The following STXBP5L variants were observed in gnomAD, a reference collection of about 807,000 sequenced individuals.
STXBP5L encodes syntaxin-binding protein 5-like.
Under a neutral mutation model 144.5 loss-of-function variants are expected in STXBP5L, and 65 were observed. That is an observed-to-expected ratio of 0.45 (90% CI 0.37 to 0.55). The LOEUF is 0.55. Among genes scored for constraint, STXBP5L ranks in the 20% least tolerant of loss-of-function variants. The pLI is 0.00. For synonymous variants in STXBP5L, 505 were observed against 469.6 expected, an observed-to-expected ratio of 1.08 and a Z score of -0.97; for missense variants, 1,298 against 1,405.5, an observed-to-expected ratio of 0.92 and a Z score of 1.22.
At chr3:121,243,225 T>C (rs1219672524) in intron 14 of STXBP5L, among the ~76,000 whole-genome samples, 1 of 152,182 alleles carries the variant, frequency 6.6e-6, no homozygotes, top group Non-Finnish European at 1.5e-5. Context: ...TGGGTGCCAC[T>C]GAGAGCAAAA....
chr3:121,335,794 A>G (rs577179488), intron 20 of STXBP5L, among the ~76,000 whole-genome samples: 43 of 152,190 alleles, frequency 2.8e-4, no homozygotes, highest in Admixed American at 6.5e-4. Flanking sequence ...ACTTAAATGT[A>G]AAACCCAAAA....
At chr3:120,977,393 G>T (rs1350068622) in intron 3 of STXBP5L, among the ~76,000 whole-genome samples, 1 of 151,934 alleles carries the variant, frequency 6.6e-6, no homozygotes, top group Non-Finnish European at 1.5e-5. Context: ...TTTTCCATTT[G>T]CTTGTAGATC....
At chr3:121,135,599 G>A (rs779164013) in intron 7 of STXBP5L, among the ~76,000 whole-genome samples, 34 of 152,172 alleles carry the variant, frequency 2.2e-4, no homozygotes, top group Non-Finnish European at 3.5e-4. Context: ...TTTACAGTAG[G>A]GTTCACAATC....
chr3:120,997,527 TA>T (rs1943445811), intron 3 of STXBP5L, among the ~76,000 whole-genome samples: 2 of 152,274 alleles, frequency 1.3e-5, no homozygotes, highest in South Asian at 4.1e-4. Context: ...TGCATTTCTC[TA>T]ATGATTGAAC....
intron 3 of STXBP5L, among the ~76,000 whole-genome samples, chr3:120,961,801 G>A (rs532064754): frequency 5.9e-5 from 9 of 152,298 alleles, no homozygotes; most frequent in African/African-American, 2.2e-4. Context: ...TAATGGGATG[G>A]CTGGGTCAAA....
intron 23 of STXBP5L, among the ~76,000 whole-genome samples, chr3:121,412,593 A>T (rs1332975066): frequency 1.3e-5 from 2 of 152,056 alleles, no homozygotes; most frequent in African/African-American, 4.8e-5. Flanking sequence ...TATCACCCTC[A>T]TCATAGTTCC....
chr3:121,367,332 A>G (rs1183987920), intron 20 of STXBP5L, among the ~76,000 whole-genome samples: 2 of 152,128 alleles, frequency 1.3e-5, no homozygotes, highest in Non-Finnish European at 2.9e-5. Flanking sequence ...GGTGGTAACA[A>G]TCTCCCTTAG....
intron 5 of STXBP5L, among the ~76,000 whole-genome samples, chr3:121,057,217 C>T (rs909285291): frequency 2.6e-5 from 4 of 151,630 alleles, no homozygotes; most frequent in East Asian, 3.9e-4. Context: ...TTTTTGTATG[C>T]GTCAAAAAAC....
At chr3:120,966,970 G>C (rs1376556313) in intron 3 of STXBP5L, among the ~76,000 whole-genome samples, 1 of 152,088 alleles carries the variant, frequency 6.6e-6, no homozygotes, top group South Asian at 2.1e-4. Flanking sequence ...CTAGCTTCCT[G>C]GTTGCTTTGT....
chr3:121,368,234 C>A (rs933872681), intron 20 of STXBP5L, among the ~76,000 whole-genome samples: 3 of 151,970 alleles, frequency 2.0e-5, no homozygotes, highest in Non-Finnish European at 2.9e-5. Context: ...TTTGCTAATT[C>A]TTCTGTCTGC....
intron 25 of STXBP5L, 127 bp downstream of exon 25, chr3:121,416,095 T>C: frequency 4.4e-6 from 3 of 674,858 alleles, no homozygotes; most frequent in Non-Finnish European, 2.4e-6. Flanking sequence ...TTTGCATCTA[T>C]CTTAAAGTTT....
chr3:121,251,921 C>T (rs111492181), intron 15 of STXBP5L, among the ~76,000 whole-genome samples: 2,523 of 152,306 alleles, frequency 0.017, 65 homozygotes, highest in African/African-American at 0.057. Flanking sequence ...TAAAAAGCAA[C>T]TGCCTAAAGA....
At chr3:120,916,272 A>C (rs1213004446) in intron 2 of STXBP5L, among the ~76,000 whole-genome samples, 1 of 152,092 alleles carries the variant, frequency 6.6e-6, no homozygotes, top group Non-Finnish European at 1.5e-5. Flanking sequence ...TATTTGTTTT[A>C]GTTTCAGTTA....
chr3:121,357,756 A>T (rs916613800), intron 20 of STXBP5L: 15 of 152,272 alleles, frequency 9.9e-5, no homozygotes, highest in African/African-American at 2.9e-4. Flanking sequence ...ATGGTGATGG[A>T]TACTTGATCT....
At chr3:121,363,255 A>AT (rs1408181771) in intron 20 of STXBP5L, among the ~76,000 whole-genome samples, 3 of 152,052 alleles carry the variant, frequency 2.0e-5, no homozygotes, top group Non-Finnish European at 4.4e-5. Context: ...GTGTCTCAAT[A>AT]TGTTGTTTGC....
At chr3:120,965,109 C>T (rs9822403) in intron 3 of STXBP5L, among the ~76,000 whole-genome samples, 15,111 of 150,842 alleles carry the variant, frequency 0.1, 1,183 homozygotes, top group Admixed American at 0.2. Flanking sequence ...GTTTTTTTTG[C>T]TTGTTTGTTT....
chr3:121,402,636 C>T (rs942295052), intron 22 of STXBP5L, among the ~76,000 whole-genome samples: 1 of 152,212 alleles, frequency 6.6e-6, no homozygotes, highest in African/African-American at 2.4e-5. Context: ...ACCCATGTAG[C>T]TGAATATGGC....
chr3:121,105,627 A>C (rs960952741), intron 5 of STXBP5L, among the ~76,000 whole-genome samples: 3 of 152,124 alleles, frequency 2.0e-5, no homozygotes, highest in Non-Finnish European at 4.4e-5. Context: ...TACTACAACC[A>C]CTCTGGTAAA....
intron 15 of STXBP5L, among the ~76,000 whole-genome samples, chr3:121,253,935 G>T (rs994445716): frequency 1.3e-5 from 2 of 151,324 alleles, no homozygotes; most frequent in Non-Finnish European, 2.9e-5. Flanking sequence ...TTACAGGCGT[G>T]AGCCACTGCG....
Sources: gnomAD v4.1 joint callset for allele counts (sites outside exome capture counted in the v4.1 genomes callset) on GRCh38, gnomAD v4.1.1 for gene constraint, MANE v1.5 for transcripts, NCBI Gene and HGNC (gene_info 2026-07-23, HGNC 2026-07-21) for gene names.